Variants in TARBP1 observed in about 807,000 individuals in gnomAD.
The protein encoded by TARBP1 is tRNA (guanosine(18)-2'-O)-methyltransferase TARBP1.
Under a neutral mutation model 178.6 loss-of-function variants are expected in TARBP1, and 144 were observed. The ratio of observed to expected loss-of-function variants is 0.81; its 90% CI spans 0.70 to 0.93. The LOEUF is 0.93. Among genes scored for constraint, TARBP1 ranks in the 40% least tolerant of loss-of-function variants. The probability of loss-of-function intolerance (pLI) is 0.00; values close to 1 mark genes in which losing one functional copy is unlikely to be tolerated. For missense variants in TARBP1, 2,067 were observed against 2,011.7 expected, an observed-to-expected ratio of 1.03 and a Z score of -0.53; for synonymous variants, 787 against 781.0, an observed-to-expected ratio of 1.01 and a Z score of -0.13.
intron 14 of TARBP1, among the ~76,000 whole-genome samples, chr1:234,431,996 G>A (rs1664476307): frequency 6.6e-6 from 1 of 152,092 alleles, no homozygotes; most frequent in African/African-American, 2.4e-5. Flanking sequence ...AATTAGCCAG[G>A]CATGGTGGCG....
chr1:234,443,389 G>A (rs147811935), intron 12 of TARBP1, among the ~76,000 whole-genome samples: 23 of 152,100 alleles, frequency 1.5e-4, no homozygotes, highest in African/African-American at 5.3e-4. Context: ...ACCAGAATTA[G>A]TCAAAAAGCA....
chr1:234,472,659 A>T (rs1227072059), intron 2 of TARBP1, 55 bp downstream of exon 2: 6 of 1,271,300 alleles, frequency 4.7e-6, no homozygotes, highest in Non-Finnish European at 6.6e-6. Flanking sequence ...GAATGTTTTT[A>T]AAAAAGAAAA....
Position 234,392,525 on chromosome 1 carries a change from G to C in TARBP1, c.4588C>G (p.Leu1530Val). ...EVKPPQLIDY[L>V]QQKKTEGYTI... ...TAACCTTCTGTTTTCTTCTGCTGCA[G>C]ATAATCAATTAGCTGAGGTGGTTTT... is the stretch of plus-strand genomic sequence containing the variant. Residue 1530 changes from leucine to valine, a missense_variant, in exon 29 of 30, where the codon CTG becomes GTG. Leu to Val is a conservative substitution (Grantham distance 32, BLOSUM62 1). Coordinates refer to ENST00000040877, the MANE Select transcript of TARBP1 (RefSeq NM_005646.4). 1 of 1,614,014 alleles carries C rather than the reference G, an allele frequency of 6.2e-7. No individual in the cohort carries two copies. Among genetic ancestry groups the C allele is most frequent in the Non-Finnish European group, 8.5e-7 (1 of 1,179,934 alleles).
In TARBP1 at chr1:234,430,262, T is replaced by C. The variant is rs555089732; in HGVS notation, c.2434A>G (p.Met812Val). The stretch of plus-strand genomic sequence containing the variant: ...TCACACACCATGGCCAAGGCAGCCA[T>C]GCTCACTACTCTCTGAATCTGACTT... ...VGSQIQRVVSMAALAMVCEAI... is the reference protein window; with the variant it reads ...VGSQIQRVVSVAALAMVCEAI... Residue 812 changes from methionine (M) to valine (V), a missense_variant, in exon 15 of 30, where the codon ATG (methionine) becomes GTG (valine). Coordinates refer to ENST00000040877, the MANE Select transcript of TARBP1 (RefSeq NM_005646.4). 168 of 1,614,124 alleles carry C rather than the reference T, an allele frequency of 1.0e-4. 2 individuals carry two copies. The highest frequency in any genetic ancestry group is 6.6e-4 in the Middle Eastern group (4 of 6,062).
At chr1:234,392,821 C>G in intron 28 of TARBP1, 2 of 195,084 alleles carry the variant, frequency 1.0e-5, no homozygotes, top group Non-Finnish European at 2.1e-5. Context: ...CGCCATTCTC[C>G]TGCCTCAGCA....
At chr1:234,444,475 G>A (rs1665939999) in intron 12 of TARBP1, among the ~76,000 whole-genome samples, 1 of 152,136 alleles carries the variant, frequency 6.6e-6, no homozygotes, top group Non-Finnish European at 1.5e-5. Context: ...GCACAGTAAA[G>A]TGGTATTGCA....
chr1:234,406,172 A>T, intron 23 of TARBP1, 73 bp from the exon 24 acceptor site: 1 of 1,365,838 alleles, frequency 7.3e-7, no homozygotes, highest in Non-Finnish European at 1.0e-6. Flanking sequence ...TGACACAAAA[A>T]AAGTACACGA....
chr1:234,472,140 C>T (rs1485104653), intron 2 of TARBP1, among the ~76,000 whole-genome samples: 1 of 152,076 alleles, frequency 6.6e-6, no homozygotes, highest in Non-Finnish European at 1.5e-5. Flanking sequence ...AGTGCAAGAC[C>T]AGCCTGGCCA....
At position 234,460,208 on chromosome 1, in the gene TARBP1, T is replaced by A. The variant is rs1667708709; in HGVS notation, c.1535+53A>T. On this transcript the variant is annotated intron_variant, in intron 7 of 29. Transcript: ENST00000040877. ...AAAGCAGAGGAGAAAATATATATATTGATGGAAAGTCATGGCAAATAACCA... is the reference window on the plus strand; with the variant it reads ...AAAGCAGAGGAGAAAATATATATATAGATGGAAAGTCATGGCAAATAACCA... The A allele has an allele frequency of 1.9e-6, 3 of 1,540,602 alleles. No homozygotes were observed. In the East Asian group the frequency reaches 6.9e-5, roughly 35 times the overall value.
chr1:234,401,094 C>G (rs1248214499), intron 25 of TARBP1, 87 bp downstream of exon 25: 1 of 1,089,124 alleles, frequency 9.2e-7, no homozygotes, highest in Admixed American at 2.5e-5. Flanking sequence ...AAACTTTACC[C>G]TAATCACAAC....
At chr1:234,435,713 T>C (rs960072660) in intron 13 of TARBP1, among the ~76,000 whole-genome samples, 5 of 152,214 alleles carry the variant, frequency 3.3e-5, no homozygotes, top group African/African-American at 1.2e-4. Flanking sequence ...TCCATACATC[T>C]GGCAACTGGA....
rs561249474 is a variant in TARBP1 at position 234,472,445 on chromosome 1, T to G, written c.1029+269A>C. ...AATTTATACTTTATAATAAGCCATT[T>G]GGGTGATACTGATACTGATAAACGT... On this transcript the variant is annotated intron_variant, in intron 2 of 29. Coordinates refer to ENST00000040877, the MANE Select transcript of TARBP1 (RefSeq NM_005646.4). 2.6e-5 allele frequency among the ~76,000 whole-genome samples: 4 copies of G among 152,022 alleles called. No homozygotes were observed. In the East Asian group the frequency reaches 5.8e-4, roughly 22 times the overall value.
intron 25 of TARBP1, among the ~76,000 whole-genome samples, chr1:234,398,912 G>A (rs1309879323): frequency 6.6e-6 from 1 of 152,190 alleles, no homozygotes; most frequent in Non-Finnish European, 1.5e-5. Flanking sequence ...TACCTCCAAA[G>A]GCAATCAAGT....
chr1:234,456,676 T>C (rs577242486), intron 9 of TARBP1, among the ~76,000 whole-genome samples: 2 of 152,318 alleles, frequency 1.3e-5, no homozygotes, highest in South Asian at 2.1e-4. Context: ...TTTAGAGAGA[T>C]CATATGTATT....
At chr1:234,420,227 G>C (rs1026273164) in intron 21 of TARBP1, among the ~76,000 whole-genome samples, 3 of 152,146 alleles carry the variant, frequency 2.0e-5, no homozygotes, top group Admixed American at 2.0e-4. Context: ...TTCCTTAGCT[G>C]GTTTGTATGG....
At position 234,393,073 on chromosome 1, in the gene TARBP1, G is replaced by C. The variant is rs114319559; in HGVS notation, c.4560+289C>G. 2.4e-3 allele frequency among the ~76,000 whole-genome samples: 369 copies of C among 152,108 alleles called. 5 individuals carry two copies. The highest frequency in any genetic ancestry group is 8.5e-3 in the African/African-American group (354 of 41,486). On this transcript the variant is annotated intron_variant, in intron 28 of 29. Coordinates refer to ENST00000040877, the MANE Select transcript of TARBP1 (RefSeq NM_005646.4). Reference sequence around the variant, plus strand: ...CTACATCAAGAGTGGGCTGTAACAGGATATGTTTTACTGAACAGAATTCTA... The same window carrying C: ...CTACATCAAGAGTGGGCTGTAACAGCATATGTTTTACTGAACAGAATTCTA...
chr1:234,413,412 T>C (rs773089661), intron 22 of TARBP1, among the ~76,000 whole-genome samples: 1 of 152,146 alleles, frequency 6.6e-6, no homozygotes, highest in Non-Finnish European at 1.5e-5. Context: ...AGGCAGAGGT[T>C]GCAGTGAGCC....
At chr1:234,401,304 C>T (rs765581215) in intron 24 of TARBP1, 42 bp from the exon 25 acceptor site, 21 of 1,478,734 alleles carry the variant, frequency 1.4e-5, no homozygotes, top group Non-Finnish European at 9.4e-7. Flanking sequence ...ACAAATGAAA[C>T]AACTCTGGTG....
Position 234,433,589 on chromosome 1 carries a change from A to C in TARBP1, c.2233-18T>G, listed in dbSNP as rs764422700. 117 of 1,603,070 alleles carry C rather than the reference A, an allele frequency of 7.3e-5. 1 individual carries two copies. In the South Asian group the frequency reaches 1.3e-3, roughly 18 times the overall value. On this transcript the variant is annotated intron_variant, in intron 13 of 29. Coordinates refer to ENST00000040877, the MANE Select transcript of TARBP1 (RefSeq NM_005646.4). ...TCTGAAACCTAAGACAAGGATTAAA[A>C]CACTTAAGGGTACAAGCAAGGTCCA...
Sources: gnomAD v4.1 joint callset for allele counts (sites outside exome capture counted in the v4.1 genomes callset) on GRCh38, gnomAD v4.1.1 for gene constraint, MANE v1.5 for transcripts, NCBI Gene and HGNC (gene_info 2026-07-23, HGNC 2026-07-21) for gene names.